The following DOCK8 variants were observed in gnomAD, a reference collection of about 807,000 sequenced individuals.
DOCK8 encodes dedicator of cytokinesis 8.
In DOCK8, 141 loss-of-function variants were observed where a neutral mutation model predicts 245.6. The ratio of observed to expected loss-of-function variants is 0.57; its 90% CI spans 0.50 to 0.66. The LOEUF (loss-of-function observed/expected upper bound fraction) is 0.66, where lower values mean the gene tolerates loss of function less well. Among genes scored for constraint, DOCK8 ranks in the 30% least tolerant of loss-of-function variants. The pLI is 0.00. For synonymous variants in DOCK8, 1,168 were observed against 970.2 expected (o/e 1.20, Z -3.79); for missense variants, 2,965 against 2,603.4 (o/e 1.14, Z -3.02).
At chr9:386,555 C>CT (rs2053963730) in intron 23 of DOCK8, 129 bp downstream of exon 23, 1 of 764,548 alleles carries the variant, frequency 1.3e-6, no homozygotes, top group Non-Finnish European at 2.2e-6. Context: ...CACACACACA[C>CT]CCCACACACA....
At chr9:226,981 ACT>A (rs770404866) in intron 1 of DOCK8, among the ~76,000 whole-genome samples, 7 of 152,176 alleles carry the variant, frequency 4.6e-5, no homozygotes, top group Admixed American at 2.0e-4. Context: ...TATATGCATA[ACT>A]CTCTGCAGAG....
chr9:370,989 A>T (rs756618835), intron 16 of DOCK8, among the ~76,000 whole-genome samples: 1 of 152,234 alleles, frequency 6.6e-6, no homozygotes, highest in Admixed American at 6.5e-5. Context: ...GGGCTTCATA[A>T]TGCAGTTAAA....
intron 13 of DOCK8, among the ~76,000 whole-genome samples, 190 bp downstream of exon 13, chr9:339,289 A>C: frequency 6.6e-6 from 1 of 152,332 alleles, no homozygotes; most frequent in South Asian, 2.1e-4. Context: ...TAATTTTCTT[A>C]AAGGATTGAT....
Position 441,291 on chromosome 9 carries a change from C to G in DOCK8, c.5229C>G (p.Gly1743=). Residue 1743 remains glycine, a synonymous_variant, in exon 41 of 48, where the codon GGC becomes GGG. Transcript: ENST00000432829. ...GCTCTTCTCCTCTTTCCAAGGGAGG[C>G]TTATATGAGACAGTTAATGAGGTCT... is the stretch of plus-strand genomic sequence containing the variant. ...EQAAELFSTG[G]LYETVNEVYK... The G allele has an allele frequency of 1.2e-6, 2 of 1,614,190 alleles. No homozygotes were observed. Among genetic ancestry groups the G allele is most frequent in the South Asian group, 1.1e-5 (1 of 91,080 alleles).
At chr9:330,506 T>C (rs1387937724) in intron 9 of DOCK8, among the ~76,000 whole-genome samples, 1 of 152,210 alleles carries the variant, frequency 6.6e-6, no homozygotes, top group African/African-American at 2.4e-5. Context: ...CTACATTTGC[T>C]GTGTATGGTA....
chr9:282,250 C>A (rs1205873413), intron 2 of DOCK8, among the ~76,000 whole-genome samples: 1 of 152,066 alleles, frequency 6.6e-6, no homozygotes, highest in East Asian at 1.9e-4. Context: ...TATGCCCTAC[C>A]CAGTAGATGC....
chr9:368,317 G>C, intron 15 of DOCK8, 182 bp downstream of exon 15: 1 of 743,324 alleles, frequency 1.3e-6, no homozygotes, highest in East Asian at 2.6e-5. Context: ...CTTACTTGAC[G>C]ATCTCTTTCT....
chr9:406,720 G>T (rs956320028), intron 27 of DOCK8, among the ~76,000 whole-genome samples: 5 of 151,930 alleles, frequency 3.3e-5, no homozygotes, highest in Admixed American at 2.6e-4. Flanking sequence ...CATCTTTCCC[G>T]CTGGGCAGTC....
chr9:394,653 T>C lies in DOCK8; in HGVS notation c.2971-2132T>C, dbSNP rs548091941. 5.9e-5 allele frequency among the ~76,000 whole-genome samples: 9 copies of C among 152,258 alleles called. No homozygotes were observed. The East Asian group carries it at 1.7e-3, about 29-fold the overall frequency. ...ACTGCTGAGCCAGACCTTGGAGAAA[T>C]AGAGATAAATGGGTGACCTAGTTTA... On this transcript the variant is annotated intron_variant, in intron 24 of 47. Transcript: ENST00000432829.
At chr9:440,882 T>C (rs2057074744) in intron 40 of DOCK8, among the ~76,000 whole-genome samples, 2 of 152,150 alleles carry the variant, frequency 1.3e-5, no homozygotes, top group South Asian at 4.1e-4. Flanking sequence ...TACAGGAGCA[T>C]GCTACCACAC....
Position 294,084 on chromosome 9 carries a change from T to C in DOCK8, c.404+4503T>C, listed in dbSNP as rs553047947. Among the ~76,000 whole-genome samples the C allele has an allele frequency of 1.3e-4, 20 of 152,358 alleles. No homozygotes were observed. The South Asian group carries it at 3.7e-3, about 28-fold the overall frequency. On this transcript the variant is annotated intron_variant, in intron 4 of 47. Transcript: ENST00000432829. Reference sequence around the variant, plus strand: ...ATATATGTATTAATGTATGTACTTATATATTACAAACATTTCTTTAAAATA... The same window carrying C: ...ATATATGTATTAATGTATGTACTTACATATTACAAACATTTCTTTAAAATA...
intron 5 of DOCK8, among the ~76,000 whole-genome samples, chr9:306,647 C>T (rs968117441): frequency 6.6e-6 from 1 of 152,192 alleles, no homozygotes; most frequent in African/African-American, 2.4e-5. Context: ...TCATCAGAAT[C>T]TCCCAGAGGG....
chr9:375,138 C>G (rs184091758), intron 18 of DOCK8, among the ~76,000 whole-genome samples: 6 of 152,194 alleles, frequency 3.9e-5, no homozygotes, highest in African/African-American at 1.2e-4. Flanking sequence ...TCAAACAGAA[C>G]GTGTGTGTAG....
chr9:360,206 C>T (rs1003587257), intron 14 of DOCK8, among the ~76,000 whole-genome samples: 1 of 151,696 alleles, frequency 6.6e-6, no homozygotes, highest in African/African-American at 2.4e-5. Context: ...GTCCCAGCTA[C>T]TCAGGAGGCC....
At chr9:403,888 C>CTATA (rs1174594874) in intron 26 of DOCK8, among the ~76,000 whole-genome samples, 5 of 85,058 alleles carry the variant, frequency 5.9e-5, no homozygotes, top group South Asian at 7.6e-4. Flanking sequence ...CTCTCTCTCT[C>CTATA]TCTCTATATA....
intron 3 of DOCK8, among the ~76,000 whole-genome samples, chr9:287,304 A>G (rs1203851866): frequency 6.6e-6 from 1 of 152,200 alleles, no homozygotes; most frequent in Non-Finnish European, 1.5e-5. Context: ...AGTTTTTGGC[A>G]TCAAACTAAC....
intron 16 of DOCK8, 86 bp from the exon 17 acceptor site, chr9:371,339 TGAG>T: frequency 6.6e-7 from 1 of 1,525,570 alleles, no homozygotes. Context: ...AGGCAAATTC[TGAG>T]GAGCAAAGGG....
intron 1 of DOCK8, among the ~76,000 whole-genome samples, chr9:247,845 G>A (rs1168411826): frequency 6.6e-6 from 1 of 152,010 alleles, no homozygotes; most frequent in Non-Finnish European, 1.5e-5. Flanking sequence ...AAGTGTGTTA[G>A]TCTCTAAGGA....
At chr9:381,199 A>G (rs2053707877) in intron 21 of DOCK8, 1 of 152,114 alleles carries the variant, frequency 6.6e-6, no homozygotes, top group African/African-American at 2.4e-5. Flanking sequence ...GTGTTTCTTT[A>G]TAGATCTTTC....
Sources: gnomAD v4.1 joint callset for allele counts (sites outside exome capture counted in the v4.1 genomes callset) on GRCh38, gnomAD v4.1.1 for gene constraint, MANE v1.5 for transcripts, NCBI Gene and HGNC (gene_info 2026-07-23, HGNC 2026-07-21) for gene names.